AKAP13: variants seen among roughly 807,000 people sequenced by gnomAD.
AKAP13 encodes the protein A-kinase anchor protein 13.
In AKAP13, 80 loss-of-function variants were observed where a neutral mutation model predicts 264.5. That is an observed-to-expected ratio of 0.30 (90% CI 0.25 to 0.36). The LOEUF (loss-of-function observed/expected upper bound fraction) is 0.36, where lower values mean the gene tolerates loss of function less well. Ranked by LOEUF, AKAP13 falls within the 10% of genes least tolerant of loss-of-function variation. AKAP13 has a pLI of 1.00. For synonymous variants in AKAP13, 1,380 were observed against 1,250.2 expected (o/e 1.10, Z -2.19); for missense variants, 3,712 against 3,435.2 (o/e 1.08, Z -2.01).
At chr15:85,494,744 C>A (rs141025707) in intron 2 of AKAP13, among the ~76,000 whole-genome samples, 27 of 152,294 alleles carry the variant, frequency 1.8e-4, no homozygotes, top group African/African-American at 6.0e-4. Flanking sequence ...GTAGCAGAAT[C>A]TGCAAATAAT....
intron 33 of AKAP13, among the ~76,000 whole-genome samples, chr15:85,739,281 A>C (rs1037182902): frequency 2.6e-5 from 4 of 152,128 alleles, no homozygotes; most frequent in African/African-American, 9.7e-5. Flanking sequence ...TCTTTTACCA[A>C]CATTGAGTAT....
At chr15:85,478,618 G>T (rs900360553) in intron 1 of AKAP13, among the ~76,000 whole-genome samples, 5 of 152,038 alleles carry the variant, frequency 3.3e-5, no homozygotes, top group African/African-American at 1.2e-4. Context: ...GTTTTAATTT[G>T]CTATGTTCTT....
intron 1 of AKAP13, among the ~76,000 whole-genome samples, chr15:85,457,533 T>G (rs1256087515): frequency 6.6e-6 from 1 of 152,206 alleles, no homozygotes; most frequent in Non-Finnish European, 1.5e-5. Context: ...AGCGCCTAGC[T>G]CAGCACCCTT....
chr15:85,628,556 C>T lies in AKAP13; in HGVS notation c.4162-10818C>T, dbSNP rs538434770. ...GTGCATCATCTCAGATCTGCTTGAG[C>T]TTCTTGTGTTCTTAGAGACAGTGAG... On this transcript the variant is annotated intron_variant, in intron 8 of 36. Coordinates refer to ENST00000394518, the MANE Select transcript of AKAP13 (RefSeq NM_007200.5). Among the ~76,000 whole-genome samples the T allele has an allele frequency of 2.0e-5, 3 of 152,268 alleles. No individual in the cohort carries two copies. The South Asian group carries it at 6.2e-4, about 32-fold the overall frequency.
intron 17 of AKAP13, among the ~76,000 whole-genome samples, chr15:85,707,478 C>T (rs919021583): frequency 2.0e-5 from 3 of 152,166 alleles, no homozygotes; most frequent in East Asian, 3.8e-4. Context: ...AAAAGCCCAG[C>T]GTAGTTAAGC....
Position 85,625,458 on chromosome 15 carries a change from G to T in AKAP13, c.4162-13916G>T, listed in dbSNP as rs746160. 4.7e-4 allele frequency among the ~76,000 whole-genome samples: 71 copies of T among 152,082 alleles called. No individual in the cohort carries two copies. In the South Asian group the frequency reaches 0.014, roughly 31 times the overall value. On this transcript the variant is annotated intron_variant, in intron 8 of 36. Coordinates refer to ENST00000394518, the MANE Select transcript of AKAP13 (RefSeq NM_007200.5). ...ATAAGGATCCAATTTATCTGTTAGC[G>T]TGAAAACCTCAGTCTTTGAATCACG...
intron 9 of AKAP13, among the ~76,000 whole-genome samples, chr15:85,643,358 A>G (rs1001877073): frequency 1.3e-5 from 2 of 152,196 alleles, no homozygotes; most frequent in African/African-American, 4.8e-5. Flanking sequence ...AAGTAATTTT[A>G]TTGGCAGGGG....
In AKAP13 at chr15:85,582,021, C is replaced by T. The variant is rs749974486; in HGVS notation, c.3953C>T (p.Ala1318Val). Reference protein sequence around the residue: ...SLPMGSTPEEATGSLAGCFAG... With the variant: ...SLPMGSTPEEVTGSLAGCFAG... ...CCAATGGGCAGTACTCCTGAGGAAG[C>T]CACGGGGAGCCTTGCAGGATGTTTT... Residue 1318 changes from alanine to valine, a missense_variant, in exon 7 of 37, where the codon GCC becomes GTC. Ala to Val is a moderately conservative substitution (Grantham distance 64). Coordinates refer to ENST00000394518, the MANE Select transcript of AKAP13 (RefSeq NM_007200.5). 1 of 1,614,106 alleles carries T rather than the reference C, an allele frequency of 6.2e-7. No individual in the cohort carries two copies.
intron 1 of AKAP13, among the ~76,000 whole-genome samples, chr15:85,454,810 T>C (rs1567065492): frequency 6.6e-6 from 1 of 152,224 alleles, no homozygotes; most frequent in Non-Finnish European, 1.5e-5. Context: ...TTAGTTGTTA[T>C]CTTGACCCAA....
At chr15:85,550,128 G>A (rs2077902583) in intron 5 of AKAP13, among the ~76,000 whole-genome samples, 1 of 152,114 alleles carries the variant, frequency 6.6e-6, no homozygotes, top group Non-Finnish European at 1.5e-5. Flanking sequence ...TGTCGGTCAG[G>A]CTGGTCTCGA....
intron 1 of AKAP13, among the ~76,000 whole-genome samples, chr15:85,402,830 C>T (rs951743181): frequency 1.3e-5 from 2 of 152,156 alleles, no homozygotes; most frequent in Non-Finnish European, 2.9e-5. Context: ...AGTGCAAGAG[C>T]TGGGGATTGA....
intron 1 of AKAP13, among the ~76,000 whole-genome samples, chr15:85,391,759 A>G (rs553015060): frequency 6.6e-6 from 1 of 151,796 alleles, no homozygotes; most frequent in African/African-American, 2.4e-5. Context: ...TGCTGGGATC[A>G]TAGGTGTGAG....
chr15:85,433,113 TAC>T (rs1250756162), intron 1 of AKAP13, among the ~76,000 whole-genome samples: 1 of 145,072 alleles, frequency 6.9e-6, no homozygotes, highest in African/African-American at 2.6e-5. Context: ...TTCCCTTCTG[TAC>T]AGTTTTTTTT....
intron 5 of AKAP13, among the ~76,000 whole-genome samples, chr15:85,568,677 G>A (rs769552966): frequency 6.6e-6 from 1 of 152,138 alleles, no homozygotes. Flanking sequence ...GTGGCTCTTT[G>A]CTTTATATAT....
chr15:85,697,250 G>A (rs2085615120), intron 17 of AKAP13, among the ~76,000 whole-genome samples: 1 of 152,124 alleles, frequency 6.6e-6, no homozygotes, highest in East Asian at 1.9e-4. Flanking sequence ...GAAGAATTAG[G>A]GGATGTACAA....
chr15:85,678,100 G>A (rs1394469888), intron 14 of AKAP13, among the ~76,000 whole-genome samples: 1 of 152,068 alleles, frequency 6.6e-6, no homozygotes, highest in African/African-American at 2.4e-5. Flanking sequence ...AGTAAACTTG[G>A]AAAAGAAAGA....
chr15:85,565,657 G>C (rs1163079464), intron 5 of AKAP13, among the ~76,000 whole-genome samples: 1 of 152,184 alleles, frequency 6.6e-6, no homozygotes, highest in Non-Finnish European at 1.5e-5. Flanking sequence ...AAATGGAAAT[G>C]TGGTAGTAGT....
rs775065831 is a variant in AKAP13, at chr15:85,581,028, C to T, written c.2960C>T (p.Ser987Phe). Residue 987 changes from serine (S) to phenylalanine (F), a missense_variant, in exon 7 of 37, where the codon TCC becomes TTC. This residue lies in a region of AKAP13 where 2,759 missense variants were observed against 2,411.7 expected (regional missense o/e 1.14). Transcript: ENST00000394518. ...ALQLSNSPGA[S>F]SAFLKAETEH... ...CAGCTAAGTAATTCACCGGGTGCAT[C>T]CTCTGCCTTTCTTAAGGCAGAAACT... 11 of 1,613,756 alleles carry T rather than the reference C, an allele frequency of 6.8e-6. No homozygotes were observed. The East Asian group carries it at 2.2e-4, about 33-fold the overall frequency.
rs189583089 is a variant in AKAP13 at position 85,690,462 on chromosome 15, G to A, written c.5290-2815G>A. ...TTGTTGATTATTACTAAAGTTTTAT[G>A]TACTTTAGTGATTACCAATTTTCAC... On this transcript the variant is annotated intron_variant, in intron 16 of 36. Coordinates refer to ENST00000394518, the MANE Select transcript of AKAP13 (RefSeq NM_007200.5). 7.2e-5 allele frequency among the ~76,000 whole-genome samples: 11 copies of A among 152,310 alleles called. No homozygotes were observed. The East Asian group carries it at 1.9e-3, about 27-fold the overall frequency.
Sources: allele counts gnomAD v4.1 joint callset (sites outside exome capture counted in the v4.1 genomes callset), GRCh38; gene constraint gnomAD v4.1.1; regional missense constraint gnomAD v4.1.1; transcripts MANE v1.5; gene names NCBI Gene and HGNC (gene_info 2026-07-23, HGNC 2026-07-21).